The following ATAD3A variants were observed in gnomAD, a reference collection of about 807,000 sequenced individuals.
ATAD3A encodes ATPase family AAA domain-containing protein 3A.
A neutral mutation model predicts 73.8 loss-of-function variants in ATAD3A; 46 were observed. The observed-to-expected ratio is 0.62, with a 90% CI of 0.49 to 0.80. The LOEUF (loss-of-function observed/expected upper bound fraction) is 0.80, where lower values mean the gene tolerates loss of function less well. Ranked by LOEUF, ATAD3A falls within the 30% of genes least tolerant of loss-of-function variation. ATAD3A has a pLI of 0.00. For missense variants in ATAD3A, 705 were observed against 838.0 expected, an observed-to-expected ratio of 0.84 and a Z score of 1.96; for synonymous variants, 319 against 350.0, an observed-to-expected ratio of 0.91 and a Z score of 0.99.
At chr1:1,518,365 CCACA>C (rs1303261709) in intron 4 of ATAD3A, among the ~76,000 whole-genome samples, 1 of 145,686 alleles carries the variant, frequency 6.9e-6, no homozygotes, top group East Asian at 2.1e-4. Flanking sequence ...ACACACAGCC[CCACA>C]CACACAGGCG....
Position 1,515,939 on chromosome 1 carries a change from T to G in ATAD3A, c.206-73T>G, listed in dbSNP as rs969806747. 17 of 1,570,628 alleles carry G rather than the reference T, an allele frequency of 1.1e-5. No homozygotes were observed. In the Admixed American group the frequency reaches 3.1e-4, roughly 29 times the overall value. ...TGGCCGTGGATTCCAGAAAGCCCCT[T>G]GGCTGGTGTGCGTGCCTGCCCAGCG... On this transcript the variant is annotated intron_variant, in intron 1 of 15. Coordinates refer to ENST00000378756, the MANE Select transcript of ATAD3A (RefSeq NM_001170535.3).
chr1:1,513,448 C>G (rs1285247122), intron 1 of ATAD3A, among the ~76,000 whole-genome samples: 1 of 151,044 alleles, frequency 6.6e-6, no homozygotes, highest in African/African-American at 2.4e-5. Flanking sequence ...CTGAGTTGCT[C>G]CAGTCCTGGC....
Position 1,534,177 on chromosome 1 carries a change from G to T in ATAD3A, c.*105G>T, listed in dbSNP as rs2100692304. ...GGATATGCTCCTGGGTGGGGACTGG[G>T]CTGTGCCCAGGGCCTCTGTCCCCCA... On this transcript the variant is annotated 3_prime_UTR_variant, in exon 16 of 16. Transcript: ENST00000378756. The T allele has an allele frequency of 6.3e-7, 1 of 1,585,252 alleles. No homozygotes were observed. Among genetic ancestry groups the T allele is most frequent in the Non-Finnish European group, 8.6e-7 (1 of 1,166,878 alleles).
chr1:1,520,493 C>A lies in ATAD3A; in HGVS notation c.681-55C>A, dbSNP rs1641550794. The A allele has an allele frequency of 4.3e-6, 7 of 1,613,814 alleles. No homozygotes were observed. In the South Asian group the frequency reaches 6.6e-5, roughly 15 times the overall value. On this transcript the variant is annotated intron_variant, in intron 6 of 15. Transcript: ENST00000378756. The surrounding 1 kb of genome is among the most constrained non-coding windows in gnomAD (Gnocchi z 4.0). ...GGGCCTCACCCTCAACCTGCTCTCG[C>A]TGCGTGGCACGGATCTTCGTGTCCT... is the stretch of plus-strand genomic sequence containing the variant.
rs1028527550 is a variant in ATAD3A at position 1,534,300 on chromosome 1, G to A, written c.*228G>A. The A allele has an allele frequency of 7.0e-7, 1 of 1,436,926 alleles. No individual in the cohort carries two copies. The highest frequency in any genetic ancestry group is 1.4e-5 in the African/African-American group (1 of 69,430). 89.0% of individuals were successfully genotyped at this position (1,436,926 alleles called of 1,614,324 possible). ...GGCAGGCCTCCTTCCTGCCCCTCGA[G>A]ACACTCTTGGGAGATGCATTTTCCG... On this transcript the variant is annotated 3_prime_UTR_variant, in exon 16 of 16. Transcript: ENST00000378756.
In ATAD3A at chr1:1,534,011, A is replaced by G. The variant is rs1421541902; in HGVS notation, c.1700A>G (p.Gln567Arg). ...CAAGATGCTGTCCAGCAGCACCAGC[A>G]GAAGATGTGCTGGCTGAAGGCGGAA... ...RVQDAVQQHQ[Q>R]KMCWLKAEGP... The change falls in exon 16 of 16, where the codon CAG becomes CGG. Residue 567 changes from glutamine to arginine, a missense_variant. Physicochemically the swap from Gln to Arg is conservative, Grantham distance 43. Transcript: ENST00000378756. 2 of 1,613,508 alleles carry G rather than the reference A, an allele frequency of 1.2e-6. No individual in the cohort carries two copies. Among genetic ancestry groups the G allele is most frequent in the African/African-American group, 2.7e-5 (2 of 74,910 alleles).
intron 4 of ATAD3A, among the ~76,000 whole-genome samples, chr1:1,518,709 C>A (rs1404145334): frequency 6.9e-6 from 1 of 144,304 alleles, no homozygotes; most frequent in African/African-American, 2.6e-5. Flanking sequence ...GTGCACAACC[C>A]ACCCACACAT....
At chr1:1,525,314 C>A (rs1222213040) in intron 12 of ATAD3A, 23 bp downstream of exon 12, 2 of 1,613,748 alleles carry the variant, frequency 1.2e-6, no homozygotes, top group Non-Finnish European at 1.7e-6. Flanking sequence ...AAGCCTCTGG[C>A]CACAATGGGG....
At chr1:1,525,204 C>T in intron 11 of ATAD3A, 36 bp from the exon 12 acceptor site, 1 of 1,612,934 alleles carries the variant, frequency 6.2e-7, no homozygotes, top group Non-Finnish European at 8.5e-7. Context: ...CTCCTGGTGT[C>T]ACTCTCGCCC....
chr1:1,520,526 C>T lies in ATAD3A; in HGVS notation c.681-22C>T. ...CACGGATCTTCGTGTCCTTCCTGGT[C>T]ACACCACTGCTTTCCCCGCAGGACG... On this transcript the variant is annotated intron_variant, in intron 6 of 15. Transcript: ENST00000378756. This position sits in a 1 kb window ranked among gnomAD's most constrained non-coding sequence, Gnocchi z 4.0. 2 of 1,614,100 alleles carry T rather than the reference C, an allele frequency of 1.2e-6. No homozygotes were observed. The highest frequency in any genetic ancestry group is 1.7e-6 in the Non-Finnish European group (2 of 1,179,932).
chr1:1,515,071 C>T (rs1254762060), intron 1 of ATAD3A, among the ~76,000 whole-genome samples: 3 of 152,074 alleles, frequency 2.0e-5, no homozygotes, highest in African/African-American at 7.2e-5. Context: ...GACAGGGTTT[C>T]GCCATGTTGG....
In ATAD3A at chr1:1,534,115, C is replaced by T. The variant is rs766834064; in HGVS notation, c.*43C>T. The T allele has an allele frequency of 3.7e-6, 6 of 1,612,814 alleles. No homozygotes were observed. Among genetic ancestry groups the T allele is most frequent in the Middle Eastern group, 1.7e-4 (1 of 5,932 alleles). ...CAGCTCACGGAGCCTGGCCGCGGAC[C>T]CCTCCCACCCCTGCCTTGCCGGCCC... On this transcript the variant is annotated 3_prime_UTR_variant, in exon 16 of 16. Coordinates refer to ENST00000378756, the MANE Select transcript of ATAD3A (RefSeq NM_001170535.3).
chr1:1,532,160 T>G (rs976569604), intron 15 of ATAD3A, among the ~76,000 whole-genome samples: 1 of 152,196 alleles, frequency 6.6e-6, no homozygotes, highest in African/African-American at 2.4e-5. Flanking sequence ...TCAGGGTGTA[T>G]AATTTTTTTA....
intron 5 of ATAD3A, 134 bp downstream of exon 5, chr1:1,519,124 C>T: frequency 6.4e-7 from 1 of 1,556,136 alleles, no homozygotes; most frequent in Middle Eastern, 2.1e-4. Context: ...TGCTGGGGCT[C>T]CGCGGGGTGG....
In ATAD3A at chr1:1,523,685, G is replaced by T; in HGVS notation, c.963+118G>T. ...CAGGAGCTTTTGGGTCCTGAGATGC[G>T]ACTGCTTGGACCGTGCTGGGGATAG... is the stretch of plus-strand genomic sequence containing the variant. On this transcript the variant is annotated intron_variant, in intron 9 of 15. Coordinates refer to ENST00000378756, the MANE Select transcript of ATAD3A (RefSeq NM_001170535.3). The surrounding 1 kb of genome is among the most constrained non-coding windows in gnomAD (Gnocchi z 5.1). 4 of 1,590,924 alleles carry T rather than the reference G, an allele frequency of 2.5e-6. No homozygotes were observed. Among genetic ancestry groups the T allele is most frequent in the South Asian group, 1.1e-5 (1 of 89,146 alleles).
chr1:1,517,994 C>T (rs567546980), intron 4 of ATAD3A, among the ~76,000 whole-genome samples: 2 of 151,924 alleles, frequency 1.3e-5, no homozygotes, highest in Admixed American at 1.3e-4. Flanking sequence ...CAGGCACCTA[C>T]CCACACGGAC....
At chr1:1,519,905 G>A (rs531412566) in intron 5 of ATAD3A, among the ~76,000 whole-genome samples, 14 of 152,340 alleles carry the variant, frequency 9.2e-5, no homozygotes, top group African/African-American at 2.9e-4. Context: ...GGACCTGTCC[G>A]TGGCCTTAGC....
chr1:1,532,570 C>G (rs2767465), intron 15 of ATAD3A, among the ~76,000 whole-genome samples: 71 of 152,270 alleles, frequency 4.7e-4, no homozygotes, highest in African/African-American at 6.7e-4. Flanking sequence ...CCACCCAGGA[C>G]GCCACGTGAC....
Position 1,516,124 on chromosome 1 carries a change from G to A in ATAD3A, c.282+36G>A, listed in dbSNP as rs2986577. On this transcript the variant is annotated intron_variant, in intron 2 of 15. Coordinates refer to ENST00000378756, the MANE Select transcript of ATAD3A (RefSeq NM_001170535.3). ...CCGGTGTGGGTGGGGAGGCCGGGGC[G>A]CACATGGGGTTCGGGCATGGAGATT... 1.6e-4 allele frequency: 257 copies of A among 1,611,640 alleles called. 1 individual carries two copies. The highest frequency in any genetic ancestry group is 2.1e-4 in the African/African-American group (16 of 74,972).
Sources: gnomAD v4.1 joint callset for allele counts (sites outside exome capture counted in the v4.1 genomes callset) on GRCh38, gnomAD v4.1.1 for gene constraint, Gnocchi (gnomAD v3.1) non-coding constraint, MANE v1.5 for transcripts, NCBI Gene and HGNC (gene_info 2026-07-23, HGNC 2026-07-21) for gene names.